Variants in AGPAT3 observed in about 807,000 individuals in gnomAD.
AGPAT3 encodes the protein 1-acylglycerol-3-phosphate O-acyltransferase 3, also known as 1-acyl-sn-glycerol-3-phosphate acyltransferase gamma.
A neutral mutation model predicts 47.3 loss-of-function variants in AGPAT3; 5 were observed. The ratio of observed to expected loss-of-function variants is 0.11; its 90% CI spans 0.06 to 0.22. The LOEUF (loss-of-function observed/expected upper bound fraction) is 0.22. AGPAT3 is among the 10% of genes least tolerant of loss of function. AGPAT3 has a pLI of 1.00. For synonymous variants in AGPAT3, 212 were observed against 208.3 expected, an observed-to-expected ratio of 1.02 and a Z score of -0.15; for missense variants, 315 against 493.0, an observed-to-expected ratio of 0.64 and a Z score of 3.42.
intron 6 of AGPAT3, among the ~76,000 whole-genome samples, chr21:43,971,023 A>G (rs928150029): frequency 6.6e-6 from 1 of 152,234 alleles, no homozygotes; most frequent in Non-Finnish European, 1.5e-5. Context: ...AATAAAAAAT[A>G]CATAATGCAA....
chr21:43,957,924 G>A (rs1031365692), intron 2 of AGPAT3, among the ~76,000 whole-genome samples: 2 of 152,208 alleles, frequency 1.3e-5, no homozygotes, highest in African/African-American at 4.8e-5. Context: ...TGAGACGTGC[G>A]TAGAAGGAAA....
At chr21:43,946,071 G>A (rs1478815795) in intron 2 of AGPAT3, among the ~76,000 whole-genome samples, 4 of 152,200 alleles carry the variant, frequency 2.6e-5, no homozygotes, top group African/African-American at 9.7e-5. Flanking sequence ...ACGATGCCCC[G>A]TGACTGCCCC....
At chr21:43,883,580 C>T (rs373592974) in intron 1 of AGPAT3, among the ~76,000 whole-genome samples, 1 of 152,040 alleles carries the variant, frequency 6.6e-6, no homozygotes, top group African/African-American at 2.4e-5. Flanking sequence ...GTCAGTATTC[C>T]GTTTTTTTGT....
At chr21:43,888,913 C>T (rs182918932) in intron 1 of AGPAT3, among the ~76,000 whole-genome samples, 24 of 152,042 alleles carry the variant, frequency 1.6e-4, no homozygotes, top group South Asian at 1.0e-3. Context: ...GGCTTGAACC[C>T]GGAAGGCGGA....
intron 2 of AGPAT3, among the ~76,000 whole-genome samples, chr21:43,943,726 G>C (rs1008451990): frequency 2.0e-5 from 3 of 152,210 alleles, no homozygotes; most frequent in African/African-American, 4.8e-5. Flanking sequence ...CCCGGGAGGG[G>C]AGGTTGGAGT....
rs1194926592 is a variant in AGPAT3 at position 43,981,235 on chromosome 21, T to C, written c.1042+48T>C. On this transcript the variant is annotated intron_variant, in intron 9 of 9. Transcript: ENST00000291572. This position sits in a 1 kb window ranked among gnomAD's most constrained non-coding sequence, Gnocchi z 5.3. ...GCTCACACTCTGACGGGCCTCACAG[T>C]ATCAGCCACAGGGTCCGGGACCTGG... The C allele has an allele frequency of 1.3e-6, 2 of 1,596,196 alleles. No homozygotes were observed. The highest frequency in any genetic ancestry group is 3.3e-5 in the Admixed American group (2 of 59,802).
Position 43,973,754 on chromosome 21 carries a change from C to A in AGPAT3, c.767+2264C>A, listed in dbSNP as rs537219874. On this transcript the variant is annotated intron_variant, in intron 7 of 9. Transcript: ENST00000291572. The stretch of plus-strand genomic sequence containing the variant: ...AGCCATCACAGCGCCAGGCTCCCCA[C>A]AGCATGGGGCTGGCCCTCTTTCCTC... 2.8e-4 allele frequency among the ~76,000 whole-genome samples: 43 copies of A among 152,352 alleles called. 1 individual carries two copies. In the East Asian group the frequency reaches 3.9e-3, roughly 14 times the overall value.
rs923045909 is a variant in AGPAT3 at position 43,932,082 on chromosome 21, A to G, written c.-48-27552A>G. 3.9e-5 allele frequency among the ~76,000 whole-genome samples: 6 copies of G among 152,194 alleles called. No homozygotes were observed. The highest frequency in any genetic ancestry group is 5.9e-5 in the Non-Finnish European group (4 of 68,040). On this transcript the variant is annotated intron_variant, in intron 2 of 9. Transcript: ENST00000291572. The surrounding 1 kb of genome is among the most constrained non-coding windows in gnomAD (Gnocchi z 5.2). ...AGAAAGATTAATTAAGCTAATTAAC[A>G]TAGCTATCAGCTCACCAACATCGTT...
At chr21:43,918,588 CTTTT>C (rs35297249) in intron 2 of AGPAT3, among the ~76,000 whole-genome samples, 5 of 130,392 alleles carry the variant, frequency 3.8e-5, no homozygotes, top group Admixed American at 7.8e-5. Context: ...AGACTGCTGG[CTTTT>C]TTTTTTTTTT....
rs1390217879 is a variant in AGPAT3 at position 43,981,961 on chromosome 21, T to TG, written c.1043-342dup. 1.6e-4 allele frequency among the ~76,000 whole-genome samples: 25 copies of TG among 152,330 alleles called. 1 individual carries two copies. The East Asian group carries it at 2.7e-3, about 16-fold the overall frequency. ...TCCGAGGGTCCTGCTCGTCCACCTC[T>TG]GTCACCTGTTGGGTTTGCAAGGCCG... On this transcript the variant is annotated intron_variant, in intron 9 of 9. Coordinates refer to ENST00000291572, the MANE Select transcript of AGPAT3 (RefSeq NM_020132.5). This position sits in a 1 kb window ranked among gnomAD's most constrained non-coding sequence, Gnocchi z 5.3.
At position 43,911,462 on chromosome 21, in the gene AGPAT3, G is replaced by C. The variant is rs556945244; in HGVS notation, c.-49+7443G>C. Among the ~76,000 whole-genome samples the C allele has an allele frequency of 5.2e-4, 79 of 152,358 alleles. 2 individuals carry two copies. In the South Asian group the frequency reaches 0.015, roughly 29 times the overall value. Reference sequence around the variant, plus strand: ...GGCCAACGCAGCGAGGCCTGTCTGGGAAGATTGCAACACTGGCCCTCACAG... The same window carrying C: ...GGCCAACGCAGCGAGGCCTGTCTGGCAAGATTGCAACACTGGCCCTCACAG... On this transcript the variant is annotated intron_variant, in intron 2 of 9. Coordinates refer to ENST00000291572, the MANE Select transcript of AGPAT3 (RefSeq NM_020132.5).
rs1026031259 is a variant in AGPAT3, at chr21:43,908,005, T to C, written c.-49+3986T>C. Among the ~76,000 whole-genome samples, 1 of 152,214 alleles carries C rather than the reference T, an allele frequency of 6.6e-6. No homozygotes were observed. The highest frequency in any genetic ancestry group is 2.4e-5 in the African/African-American group (1 of 41,460). On this transcript the variant is annotated intron_variant, in intron 2 of 9. Transcript: ENST00000291572. This position sits in a 1 kb window ranked among gnomAD's most constrained non-coding sequence, Gnocchi z 4.9. ...CCCTCGTGGAAGCATGTTCCCGTAA[T>C]AGCAGAGCAAAGGGATGATGGTCTT...
chr21:43,985,625 A>C lies in AGPAT3; in HGVS notation c.*3233A>C. The stretch of plus-strand genomic sequence containing the variant: ...TGCCAGGCTGTCCATGCCTGTTGTG[A>C]CTACCGGTTGGGGTCAGATTTGGGG... On this transcript the variant is annotated 3_prime_UTR_variant, in exon 10 of 10. Coordinates refer to ENST00000291572, the MANE Select transcript of AGPAT3 (RefSeq NM_020132.5). 1 of 220,478 alleles carries C rather than the reference A, an allele frequency of 4.5e-6. No homozygotes were observed. Among genetic ancestry groups the C allele is most frequent in the Non-Finnish European group, 9.1e-6 (1 of 109,450 alleles). The allele number at this position is 220,478 out of a possible 1,614,324, so 13.7% of individuals were successfully genotyped here.
At chr21:43,968,198 CG>C (rs11324107) in intron 4 of AGPAT3, 83 bp downstream of exon 4, 193,484 of 590,512 alleles carry the variant, frequency 0.33, 17,357 homozygotes, top group Non-Finnish European at 0.36. Flanking sequence ...CAGGGAGGGC[CG>C]GGGTGAGCAG....
chr21:43,950,583 C>T (rs964775547), intron 2 of AGPAT3: 11 of 152,262 alleles, frequency 7.2e-5, no homozygotes, highest in Non-Finnish European at 1.6e-4. Context: ...AGCATTCGGA[C>T]GAGATCAGCG....
At chr21:43,927,809 C>T (rs1307101522) in intron 2 of AGPAT3, among the ~76,000 whole-genome samples, 2 of 152,206 alleles carry the variant, frequency 1.3e-5, no homozygotes, top group Admixed American at 1.3e-4. Flanking sequence ...TAAGGGCTTC[C>T]ATGAGGAGCA....
chr21:43,968,145 T>C, intron 4 of AGPAT3, 30 bp downstream of exon 4: 1 of 1,523,668 alleles, frequency 6.6e-7, no homozygotes, highest in Non-Finnish European at 8.8e-7. Flanking sequence ...GGGCCACGGG[T>C]GAGCAGGAGG....
chr21:43,931,857 C>G (rs1212011972), intron 2 of AGPAT3, among the ~76,000 whole-genome samples: 2 of 151,706 alleles, frequency 1.3e-5, no homozygotes, highest in Non-Finnish European at 2.9e-5. Context: ...AAAGCTCCAG[C>G]TATCTCAATG....
intron 7 of AGPAT3, among the ~76,000 whole-genome samples, chr21:43,975,342 C>A (rs943625245): frequency 7.6e-6 from 1 of 131,338 alleles, no homozygotes; most frequent in African/African-American, 3.0e-5. Flanking sequence ...GTGGTATGTT[C>A]TGGTGTGTGC....
Sources: gnomAD v4.1 joint callset for allele counts (sites outside exome capture counted in the v4.1 genomes callset) on GRCh38, gnomAD v4.1.1 for gene constraint, Gnocchi (gnomAD v3.1) non-coding constraint, MANE v1.5 for transcripts, NCBI Gene and HGNC (gene_info 2026-07-23, HGNC 2026-07-21) for gene names.